The following STX2 variants were observed in gnomAD, a reference collection of about 807,000 sequenced individuals.
STX2 encodes the protein syntaxin 2.
In STX2, 27 loss-of-function variants were observed where a neutral mutation model predicts 40.6. The ratio of observed to expected loss-of-function variants is 0.66; its 90% CI spans 0.49 to 0.92. STX2 has a LOEUF of 0.92. Among genes scored for constraint, STX2 ranks in the 40% least tolerant of loss-of-function variants. The pLI, the probability that STX2 is intolerant of heterozygous loss-of-function variation, is 0.00. For missense variants in STX2, 328 were observed against 366.1 expected (o/e 0.90, Z 0.85); for synonymous variants, 123 against 119.1 (o/e 1.03, Z -0.22).
At chr12:130,792,974 G>A (rs1307302770) in intron 10 of STX2, among the ~76,000 whole-genome samples, 1 of 152,216 alleles carries the variant, frequency 6.6e-6, no homozygotes, top group Non-Finnish European at 1.5e-5. Context: ...CTGAGGGAAG[G>A]AAAGGAAGAC....
chr12:130,835,292 GA>G (rs901493335), intron 1 of STX2, among the ~76,000 whole-genome samples: 5 of 147,982 alleles, frequency 3.4e-5, no homozygotes, highest in African/African-American at 7.4e-5. Context: ...CTGTCTCAAA[GA>G]AAAAAAAAAG....
Position 130,791,823 on chromosome 12 carries a change from C to A in STX2, c.*200G>T. The A allele has an allele frequency of 7.7e-7, 1 of 1,290,716 alleles. No individual in the cohort carries two copies. Among genetic ancestry groups the A allele is most frequent in the Non-Finnish European group, 1.1e-6 (1 of 892,386 alleles). 80.0% of individuals were successfully genotyped at this position (1,290,716 alleles called of 1,614,324 possible). On this transcript the variant is annotated 3_prime_UTR_variant, in exon 11 of 11. Coordinates refer to ENST00000392373, the MANE Select transcript of STX2 (RefSeq NM_194356.4). ...CGGGTTACAGCGTCTGAGATTCATTCACGAAATGACAGGATGCTGATTTGG... is the reference window on the plus strand; with the variant it reads ...CGGGTTACAGCGTCTGAGATTCATTAACGAAATGACAGGATGCTGATTTGG...
chr12:130,803,271 T>G (rs116860519), intron 6 of STX2, among the ~76,000 whole-genome samples: 2,348 of 152,194 alleles, frequency 0.015, 23 homozygotes, highest in Non-Finnish European at 0.023. Context: ...GAGACCAAGG[T>G]GGAAGGATTG....
At chr12:130,793,972 A>G (rs11061148) in intron 10 of STX2, among the ~76,000 whole-genome samples, 9,662 of 152,302 alleles carry the variant, frequency 0.063, 405 homozygotes, top group Non-Finnish European at 0.092. Context: ...ATGGCCAGCC[A>G]GGCCCGGGGC....
At chr12:130,796,647 T>G (rs921516373) in intron 9 of STX2, among the ~76,000 whole-genome samples, 4 of 152,188 alleles carry the variant, frequency 2.6e-5, no homozygotes, top group Admixed American at 1.3e-4. Flanking sequence ...ATTTCAGGTT[T>G]CATCCATGGG....
At chr12:130,814,627 CTTTTTTTTTTT>C (rs5801936) in intron 3 of STX2, among the ~76,000 whole-genome samples, 2 of 49,226 alleles carry the variant, frequency 4.1e-5, no homozygotes, top group Non-Finnish European at 7.0e-5. Context: ...ATTAGAAAGA[CTTTTTTTTTTT>C]TTTTTTTTTT....
intron 6 of STX2, among the ~76,000 whole-genome samples, chr12:130,804,165 G>A (rs978120782): frequency 2.6e-5 from 4 of 152,186 alleles, no homozygotes; most frequent in African/African-American, 9.7e-5. Flanking sequence ...AAACTCACTT[G>A]CCATTTGAAG....
At chr12:130,829,787 C>T (rs1455655170) in intron 1 of STX2, among the ~76,000 whole-genome samples, 1 of 152,080 alleles carries the variant, frequency 6.6e-6, no homozygotes, top group Non-Finnish European at 1.5e-5. Context: ...AGCATCACCG[C>T]TTTAAGTCAT....
At chr12:130,816,928 G>T (rs796217486) in intron 3 of STX2, among the ~76,000 whole-genome samples, 17 of 152,326 alleles carry the variant, frequency 1.1e-4, no homozygotes, top group African/African-American at 4.1e-4. Flanking sequence ...TGAAGCCTCA[G>T]TCTAAATCAT....
rs1404461883 is a variant in STX2 at position 130,815,073 on chromosome 12, A to G, written c.206-2042T>C. ...ACTAGCAACATGCCATCTCTATTTA[A>G]AAAAGGAAAGAAAAAGAAAAAACAA... is the stretch of plus-strand genomic sequence containing the variant. On this transcript the variant is annotated intron_variant, in intron 3 of 10. Coordinates refer to ENST00000392373, the MANE Select transcript of STX2 (RefSeq NM_194356.4). Among the ~76,000 whole-genome samples, 3 of 152,210 alleles carry G rather than the reference A, an allele frequency of 2.0e-5. No homozygotes were observed. In the East Asian group the frequency reaches 5.8e-4, roughly 29 times the overall value.
intron 6 of STX2, 80 bp from the exon 7 acceptor site, chr12:130,801,568 A>C: frequency 4.2e-6 from 6 of 1,416,938 alleles, no homozygotes; most frequent in South Asian, 1.7e-5. Flanking sequence ...TAAGTTAGCA[A>C]CTACAATCAT....
At chr12:130,804,293 T>C (rs1417410185) in intron 6 of STX2, among the ~76,000 whole-genome samples, 2 of 152,140 alleles carry the variant, frequency 1.3e-5, no homozygotes, top group Non-Finnish European at 2.9e-5. Flanking sequence ...GGTGCAAGGA[T>C]TTGGAGAAGA....
At chr12:130,824,617 A>G (rs1157496322) in intron 2 of STX2, among the ~76,000 whole-genome samples, 3 of 152,128 alleles carry the variant, frequency 2.0e-5, no homozygotes, top group Non-Finnish European at 4.4e-5. Flanking sequence ...ATAACATAGC[A>G]CAGGGGTCCT....
At chr12:130,805,963 G>C (rs1289901206) in intron 6 of STX2, among the ~76,000 whole-genome samples, 1 of 152,170 alleles carries the variant, frequency 6.6e-6, no homozygotes, top group Non-Finnish European at 1.5e-5. Context: ...GTGCGTCCCA[G>C]TTGTACAGTG....
intron 4 of STX2, among the ~76,000 whole-genome samples, chr12:130,810,124 G>A (rs925117446): frequency 6.6e-6 from 1 of 152,156 alleles, no homozygotes; most frequent in Admixed American, 6.5e-5. Flanking sequence ...AAACCTTTAA[G>A]TAATCATACT....
intron 4 of STX2, among the ~76,000 whole-genome samples, chr12:130,811,964 C>T (rs1180573588): frequency 6.6e-6 from 1 of 152,166 alleles, no homozygotes; most frequent in East Asian, 1.9e-4. Flanking sequence ...AACTACCAAC[C>T]TACAGCAAAT....
chr12:130,793,513 G>A (rs1408607860), intron 10 of STX2, among the ~76,000 whole-genome samples: 4 of 152,184 alleles, frequency 2.6e-5, no homozygotes, highest in African/African-American at 9.7e-5. Context: ...CTGGGTGCTC[G>A]ATGTGTGTGC....
chr12:130,836,783 A>G (rs1026574717), intron 1 of STX2, among the ~76,000 whole-genome samples: 1 of 152,196 alleles, frequency 6.6e-6, no homozygotes, highest in Non-Finnish European at 1.5e-5. Flanking sequence ...GAGATTTAAA[A>G]ATTATTTGCC....
chr12:130,797,832 T>C (rs1047398066), intron 9 of STX2, among the ~76,000 whole-genome samples: 7 of 152,306 alleles, frequency 4.6e-5, no homozygotes, highest in African/African-American at 1.7e-4. Context: ...GAGGATCCCT[T>C]TAAGTGGGTG....
Sources: gnomAD v4.1 joint callset for allele counts (sites outside exome capture counted in the v4.1 genomes callset) on GRCh38, gnomAD v4.1.1 for gene constraint, MANE v1.5 for transcripts, NCBI Gene and HGNC (gene_info 2026-07-23, HGNC 2026-07-21) for gene names.